PPM1L: variants seen among roughly 807,000 people sequenced by gnomAD.
PPM1L encodes protein phosphatase, Mg2+/Mn2+ dependent 1L.
A neutral mutation model predicts 31.4 loss-of-function variants in PPM1L; 13 were observed. The ratio of observed to expected loss-of-function variants is 0.41; its 90% CI spans 0.27 to 0.66. PPM1L has a LOEUF of 0.66. Among genes scored for constraint, PPM1L ranks in the 30% least tolerant of loss-of-function variants. The pLI, the probability that PPM1L is intolerant of heterozygous loss-of-function variation, is 0.29. For missense variants in PPM1L, 326 were observed against 453.7 expected (o/e 0.72, Z 2.56); for synonymous variants, 184 against 175.4 (o/e 1.05, Z -0.39).
At chr3:160,978,816 C>CACCTTGGA (rs1553751733) in intron 2 of PPM1L, among the ~76,000 whole-genome samples, 20 of 150,470 alleles carry the variant, frequency 1.3e-4, no homozygotes, top group Non-Finnish European at 1.5e-4. Flanking sequence ...GGTGACAGAG[C>CACCTTGGA]AAGACCCAGT....
intron 1 of PPM1L, among the ~76,000 whole-genome samples, chr3:160,924,013 A>C (rs1166515942): frequency 1.3e-5 from 2 of 152,248 alleles, no homozygotes; most frequent in African/African-American, 4.8e-5. Context: ...GAGCTAATTT[A>C]GCAAAAACAA....
chr3:160,858,988 C>T (rs1197329229), intron 1 of PPM1L, among the ~76,000 whole-genome samples: 3 of 152,078 alleles, frequency 2.0e-5, no homozygotes, highest in Non-Finnish European at 4.4e-5. Context: ...CTATACTTCC[C>T]GTGGCCACTG....
At chr3:160,812,765 G>T (rs73155992) in intron 1 of PPM1L, among the ~76,000 whole-genome samples, 2,271 of 152,274 alleles carry the variant, frequency 0.015, 26 homozygotes, top group Middle Eastern at 0.068. Flanking sequence ...CATCAGGGAG[G>T]GGGGCAGCTG....
At chr3:160,959,688 C>T (rs1715890652) in intron 1 of PPM1L, among the ~76,000 whole-genome samples, 1 of 151,870 alleles carries the variant, frequency 6.6e-6, no homozygotes, top group Non-Finnish European at 1.5e-5. Context: ...AAAAAATTAG[C>T]CGGGCATGGT....
chr3:161,002,906 C>A (rs1251281015), intron 2 of PPM1L, among the ~76,000 whole-genome samples: 2 of 145,644 alleles, frequency 1.4e-5, no homozygotes, highest in East Asian at 4.1e-4. Flanking sequence ...GACATGAAGT[C>A]CTTGCCCATG....
At chr3:160,833,016 G>A (rs968934487) in intron 1 of PPM1L, among the ~76,000 whole-genome samples, 21 of 152,064 alleles carry the variant, frequency 1.4e-4, no homozygotes, top group Admixed American at 9.8e-4. Flanking sequence ...GAGAACATGC[G>A]GTGTTTGGTT....
chr3:161,052,248 T>G (rs1194188592), intron 2 of PPM1L, among the ~76,000 whole-genome samples: 3 of 152,220 alleles, frequency 2.0e-5, no homozygotes, highest in Non-Finnish European at 4.4e-5. Flanking sequence ...TGCTTTGAGC[T>G]CCACATAATT....
Position 160,843,426 on chromosome 3 carries a change from TTATATATATATATATATATATATA to T in PPM1L, c.399+86739_399+86762del, listed in dbSNP as rs55994031. Among the ~76,000 whole-genome samples the T allele has an allele frequency of 6.3e-3, 298 of 47,546 alleles. 4 individuals carry two copies. Among genetic ancestry groups the T allele is most frequent in the South Asian group, 0.017 (17 of 980 alleles). The allele number at this position is 47,546 out of a possible 152,430, so 31.2% of individuals were successfully genotyped here. A position where few individuals can be genotyped will look rare whatever the true frequency, so the allele number is the denominator to read the frequency against. ...TTTTTGTGTGTGTATGGCAATTCTT[TTATATATATATATATATATATATA>T]TATATATATATATATATATGTTTTT... On this transcript the variant is annotated intron_variant, in intron 1 of 3. Transcript: ENST00000498165.
At chr3:161,048,114 G>A (rs1377479352) in intron 2 of PPM1L, among the ~76,000 whole-genome samples, 5 of 152,168 alleles carry the variant, frequency 3.3e-5, no homozygotes, top group Non-Finnish European at 5.9e-5. Context: ...AAGAGCTTCT[G>A]CACAGCAAAA....
intron 1 of PPM1L, among the ~76,000 whole-genome samples, chr3:160,772,932 T>C (rs1486606259): frequency 6.6e-6 from 1 of 152,172 alleles, no homozygotes; most frequent in Non-Finnish European, 1.5e-5. Flanking sequence ...TAGTATCCCA[T>C]TGTATGGATA....
At chr3:160,955,349 T>C (rs1715735193) in intron 1 of PPM1L, among the ~76,000 whole-genome samples, 1 of 152,074 alleles carries the variant, frequency 6.6e-6, no homozygotes, top group Non-Finnish European at 1.5e-5. Context: ...GTCTTTAAAT[T>C]CTACCAGAAT....
chr3:161,029,491 A>G (rs564501866), intron 2 of PPM1L, among the ~76,000 whole-genome samples: 52 of 152,216 alleles, frequency 3.4e-4, no homozygotes, highest in Non-Finnish European at 5.3e-4. Context: ...CCACTTTTAA[A>G]CTTTGAGAAG....
intron 1 of PPM1L, 81 bp from the exon 2 acceptor site, chr3:160,961,655 C>A: frequency 1.6e-6 from 2 of 1,275,478 alleles, no homozygotes; most frequent in South Asian, 3.3e-5. Context: ...TGAGCTTTCT[C>A]TATAGCACCT....
At chr3:160,944,079 GAC>G (rs1715246736) in intron 1 of PPM1L, among the ~76,000 whole-genome samples, 1 of 152,032 alleles carries the variant, frequency 6.6e-6, no homozygotes, top group Admixed American at 6.6e-5. Flanking sequence ...TTGGGTATAG[GAC>G]ATAAAGATAG....
chr3:160,916,291 G>C (rs1306589692), intron 1 of PPM1L, among the ~76,000 whole-genome samples: 1 of 152,022 alleles, frequency 6.6e-6, no homozygotes, highest in South Asian at 2.1e-4. Flanking sequence ...TTTATGCAGT[G>C]AAAACACACA....
intron 1 of PPM1L, among the ~76,000 whole-genome samples, chr3:160,893,195 C>A (rs1422818994): frequency 1.3e-5 from 2 of 152,184 alleles, no homozygotes; most frequent in Non-Finnish European, 2.9e-5. Context: ...ATTGCACATA[C>A]TTCCTGTTAG....
chr3:160,821,675 T>G (rs1713206381), intron 1 of PPM1L, among the ~76,000 whole-genome samples: 1 of 152,208 alleles, frequency 6.6e-6, no homozygotes, highest in South Asian at 2.1e-4. Context: ...CTTTCTCCAC[T>G]AGTTATGACA....
chr3:160,797,146 C>T (rs1416295292), intron 1 of PPM1L, among the ~76,000 whole-genome samples: 1 of 152,182 alleles, frequency 6.6e-6, no homozygotes, highest in African/African-American at 2.4e-5. Context: ...ATTTTTCCAA[C>T]AGCTTGTGCT....
intron 1 of PPM1L, among the ~76,000 whole-genome samples, chr3:160,791,170 A>G (rs1712094221): frequency 6.6e-6 from 1 of 152,126 alleles, no homozygotes; most frequent in African/African-American, 2.4e-5. Flanking sequence ...TAGGCATCCC[A>G]GTTTTCATGA....
Sources: gnomAD v4.1 joint callset for allele counts (sites outside exome capture counted in the v4.1 genomes callset) on GRCh38, gnomAD v4.1.1 for gene constraint, MANE v1.5 for transcripts, NCBI Gene and HGNC (gene_info 2026-07-23, HGNC 2026-07-21) for gene names.